The following CTNNBL1 variants were observed in gnomAD, a reference collection of about 807,000 sequenced individuals.
CTNNBL1 encodes catenin beta like 1, also known as beta-catenin-like protein 1.
A neutral mutation model predicts 72.7 loss-of-function variants in CTNNBL1; 31 were observed. The ratio of observed to expected loss-of-function variants is 0.43; its 90% CI spans 0.32 to 0.58. The LOEUF (loss-of-function observed/expected upper bound fraction) is 0.58, where lower values mean the gene tolerates loss of function less well. Ranked by LOEUF, CTNNBL1 falls within the 20% of genes least tolerant of loss-of-function variation. The pLI, the probability that CTNNBL1 is intolerant of heterozygous loss-of-function variation, is 0.08. For missense variants in CTNNBL1, 534 were observed against 725.1 expected (o/e 0.74, Z 3.03); for synonymous variants, 240 against 267.3 (o/e 0.90, Z 1.00).
At position 37,721,960 on chromosome 20, in the gene CTNNBL1, C is replaced by A. The variant is rs6125984; in HGVS notation, c.31-10919C>A. 2.8e-3 allele frequency among the ~76,000 whole-genome samples: 429 copies of A among 152,322 alleles called. 5 individuals carry two copies. The highest frequency in any genetic ancestry group is 0.017 in the East Asian group (89 of 5,190). On this transcript the variant is annotated intron_variant, in intron 1 of 15. Coordinates refer to ENST00000361383, the MANE Select transcript of CTNNBL1 (RefSeq NM_030877.5). ...GTATTCATTTATTCTCCTCTGTCAG[C>A]AAGTATCAACAGTTCTTGTTTCCCC...
chr20:37,715,800 TCTG>T (rs1311392354), intron 1 of CTNNBL1, among the ~76,000 whole-genome samples: 1 of 152,218 alleles, frequency 6.6e-6, no homozygotes, highest in Non-Finnish European at 1.5e-5. Flanking sequence ...TCAGTGGAGC[TCTG>T]AGGCTAGCTC....
intron 15 of CTNNBL1, among the ~76,000 whole-genome samples, chr20:37,864,651 G>A (rs2072521958): frequency 6.6e-6 from 1 of 152,190 alleles, no homozygotes; most frequent in Admixed American, 6.5e-5. Flanking sequence ...CCCTCCTAGG[G>A]AACCGTGGTC....
In CTNNBL1 at chr20:37,783,980, G is replaced by A. The variant is rs117832325; in HGVS notation, c.1031+4645G>A. On this transcript the variant is annotated intron_variant, in intron 10 of 15. Transcript: ENST00000361383. ...AAGTCTCCAGCTTTTATTGGGATCT[G>A]TCTCTCCCTTTAGCTCTAATAATAT... 6.2e-3 allele frequency among the ~76,000 whole-genome samples: 948 copies of A among 152,236 alleles called. 7 individuals carry two copies. Among genetic ancestry groups the A allele is most frequent in the Admixed American group, 0.011 (163 of 15,292 alleles).
rs79776589 is a variant in CTNNBL1, at chr20:37,843,151, A to G, written c.1392+732A>G. ...TTTTCCTATCACTGTTTAATGTCCA[A>G]TTTGTATTCGCTCCCCTACAAGACA... is the stretch of plus-strand genomic sequence containing the variant. On this transcript the variant is annotated intron_variant, in intron 13 of 15. Transcript: ENST00000361383. 7.8e-3 allele frequency among the ~76,000 whole-genome samples: 1,181 copies of G among 152,202 alleles called. 16 individuals carry two copies. Among genetic ancestry groups the G allele is most frequent in the African/African-American group, 0.026 (1,088 of 41,532 alleles).
chr20:37,772,764 C>G (rs563980929), intron 7 of CTNNBL1, among the ~76,000 whole-genome samples: 1 of 152,266 alleles, frequency 6.6e-6, no homozygotes, highest in East Asian at 1.9e-4. Flanking sequence ...TTTGACTGAT[C>G]ATCTCATATT....
chr20:37,709,706 A>G (rs188922684), intron 1 of CTNNBL1, among the ~76,000 whole-genome samples: 10 of 152,340 alleles, frequency 6.6e-5, no homozygotes, highest in Non-Finnish European at 1.3e-4. Context: ...GGACTAACAG[A>G]ATAGTGAAAC....
At chr20:37,802,722 T>A in intron 10 of CTNNBL1, 145 bp from the exon 11 acceptor site, 1 of 603,050 alleles carries the variant, frequency 1.7e-6, no homozygotes, top group South Asian at 3.2e-5. Context: ...TCCACCCTAT[T>A]GTAGACGTCT....
intron 1 of CTNNBL1, among the ~76,000 whole-genome samples, chr20:37,729,110 A>G (rs1349160872): frequency 6.6e-6 from 1 of 152,230 alleles, no homozygotes; most frequent in Non-Finnish European, 1.5e-5. Flanking sequence ...TAACTTAACC[A>G]GGGTCTTATA....
intron 11 of CTNNBL1, among the ~76,000 whole-genome samples, chr20:37,816,780 T>A (rs2072063257): frequency 6.6e-6 from 1 of 152,114 alleles, no homozygotes; most frequent in African/African-American, 2.4e-5. Context: ...GCATGTCATT[T>A]TGATAATCAC....
intron 13 of CTNNBL1, among the ~76,000 whole-genome samples, chr20:37,849,078 C>A (rs6512731): frequency 0.82 from 124,116 of 152,078 alleles, 50,696 homozygotes; most frequent in Middle Eastern, 0.89. Flanking sequence ...TAATCTGGTC[C>A]GCTTTACCTC....
At chr20:37,858,393 G>A (rs1289990262) in intron 13 of CTNNBL1, among the ~76,000 whole-genome samples, 1 of 152,232 alleles carries the variant, frequency 6.6e-6, no homozygotes, top group Non-Finnish European at 1.5e-5. Flanking sequence ...TCATGTTGCA[G>A]AGTGGTTTGT....
At chr20:37,743,431 G>A (rs536892920) in intron 3 of CTNNBL1, among the ~76,000 whole-genome samples, 102 of 151,938 alleles carry the variant, frequency 6.7e-4, no homozygotes, top group Non-Finnish European at 1.2e-3. Flanking sequence ...TTTGCAAGCA[G>A]AGAAGGAAGC....
rs6096188 is a variant in CTNNBL1 at position 37,777,664 on chromosome 20, A to G, written c.834A>G (p.Glu278=). Residue 278 remains glutamate (E), a synonymous_variant, in exon 9 of 16, where the codon GAA becomes GAG. Coordinates refer to ENST00000361383, the MANE Select transcript of CTNNBL1 (RefSeq NM_030877.5). The part of the protein sequence containing the change: ...ILLQDNDENR[E]LLGELDGIDV... ...TTTTTTCCCCTTTAGAAAACAGGGA[A>G]TTGCTTGGGGAGCTGGATGGAATCG... The G allele has an allele frequency of 7.8e-4, 1,251 of 1,613,742 alleles. 13 individuals carry two copies. The African/African-American group carries it at 0.014, about 18-fold the overall frequency.
chr20:37,713,791 T>C (rs1037092447), intron 1 of CTNNBL1, among the ~76,000 whole-genome samples: 3 of 152,158 alleles, frequency 2.0e-5, no homozygotes, highest in Non-Finnish European at 4.4e-5. Context: ...TAAAAGAATA[T>C]ACGTTTTCTC....
At chr20:37,777,784 A>C (rs2073589303) in intron 9 of CTNNBL1, 72 bp downstream of exon 9, 1 of 1,492,590 alleles carries the variant, frequency 6.7e-7, no homozygotes, top group African/African-American at 1.4e-5. Context: ...GGAGCTGGAA[A>C]CTGTGGGAAG....
chr20:37,760,410 T>G (rs1046414640), intron 5 of CTNNBL1, among the ~76,000 whole-genome samples: 2 of 152,196 alleles, frequency 1.3e-5, no homozygotes, highest in African/African-American at 2.4e-5. Context: ...TCTCATCCCT[T>G]TATCTCTTCC....
At chr20:37,812,243 G>A (rs574843459) in intron 11 of CTNNBL1, among the ~76,000 whole-genome samples, 118 of 152,314 alleles carry the variant, frequency 7.7e-4, no homozygotes, top group African/African-American at 2.6e-3. Flanking sequence ...CTAGCAGGTA[G>A]CATTCAATAT....
chr20:37,717,989 A>T (rs1223528879), intron 1 of CTNNBL1, among the ~76,000 whole-genome samples: 1 of 152,174 alleles, frequency 6.6e-6, no homozygotes, highest in Non-Finnish European at 1.5e-5. Flanking sequence ...CAAAATGAAA[A>T]GTCTCCCATG....
At chr20:37,842,197 AG>A (rs1568806035) in intron 12 of CTNNBL1, 141 bp from the exon 13 acceptor site, 1 of 643,672 alleles carries the variant, frequency 1.6e-6, no homozygotes, top group South Asian at 1.9e-5. Context: ...CCCTAAGCAA[AG>A]CTTCTCTCAT....
Sources: allele counts gnomAD v4.1 joint callset (sites outside exome capture counted in the v4.1 genomes callset), GRCh38; gene constraint gnomAD v4.1.1; transcripts MANE v1.5; gene names NCBI Gene and HGNC (gene_info 2026-07-23, HGNC 2026-07-21).